The following SOX6 variants were observed in gnomAD, a reference collection of about 807,000 sequenced individuals.
SOX6 encodes the protein SRY-box transcription factor 6, also known as transcription factor SOX-6.
SOX6 carries 11 observed loss-of-function variants against 97.8 expected under a neutral mutation model. That is an observed-to-expected ratio of 0.11 (90% CI 0.07 to 0.19). SOX6 has a LOEUF of 0.19. SOX6 is among the 10% of genes least tolerant of loss of function. The pLI is 1.00. For missense variants in SOX6, 810 were observed against 1,039.5 expected, an observed-to-expected ratio of 0.78 and a Z score of 3.04; for synonymous variants, 360 against 371.4, an observed-to-expected ratio of 0.97 and a Z score of 0.35.
At chr11:16,261,049 TAA>T (rs1372446116) in intron 3 of SOX6, among the ~76,000 whole-genome samples, 1 of 152,208 alleles carries the variant, frequency 6.6e-6, no homozygotes, top group Non-Finnish European at 1.5e-5. Context: ...AGTTATAATT[TAA>T]AAGTCATTTC....
intron 4 of SOX6, among the ~76,000 whole-genome samples, chr11:16,224,568 G>C (rs913974601): frequency 1.3e-5 from 2 of 151,954 alleles, no homozygotes; most frequent in African/African-American, 4.8e-5. Flanking sequence ...ATATCACACA[G>C]ACTTCAAAAG....
At chr11:16,475,794 C>T (rs530365304) in intron 1 of SOX6, among the ~76,000 whole-genome samples, 1 of 152,024 alleles carries the variant, frequency 6.6e-6, no homozygotes, top group African/African-American at 2.4e-5. Context: ...CTCTAATTTG[C>T]TTAAAAAAAA....
intron 13 of SOX6, among the ~76,000 whole-genome samples, chr11:16,009,111 C>T (rs1347561419): frequency 3.9e-5 from 6 of 151,960 alleles, no homozygotes; most frequent in East Asian, 1.9e-4. Flanking sequence ...TATCTTTTTA[C>T]GTGTATAATT....
rs181579786 is a variant in SOX6 at position 16,527,178 on chromosome 11, A to T, written n.610-50790T>A. ...TCCTAGAGCACTGAAGAGGGAAAAA[A>T]AAATCAACCTAGGCAATTAGTCAAA... is the stretch of plus-strand genomic sequence containing the variant. On this transcript the variant is annotated intron_variant and non_coding_transcript_variant, in intron 4 of 5. Transcript: ENST00000524520. Among the ~76,000 whole-genome samples the T allele has an allele frequency of 3.9e-3, 594 of 152,034 alleles. 3 individuals carry two copies. Among genetic ancestry groups the T allele is most frequent in the African/African-American group, 0.014 (575 of 41,352 alleles).
intron 3 of SOX6, among the ~76,000 whole-genome samples, chr11:16,664,665 C>T (rs536352184): frequency 7.2e-5 from 11 of 152,154 alleles, no homozygotes; most frequent in South Asian, 4.2e-4. Context: ...GTACTGGACT[C>T]GGAGCCAGTG....
chr11:16,317,492 G>A (rs1855785985), intron 3 of SOX6: 2 of 152,344 alleles, frequency 1.3e-5, no homozygotes, highest in Middle Eastern at 3.4e-3. Flanking sequence ...TATGACCCTA[G>A]GTCATCAAAA....
At chr11:16,044,225 CAA>C (rs1855760137) in intron 12 of SOX6, among the ~76,000 whole-genome samples, 2 of 152,022 alleles carry the variant, frequency 1.3e-5, no homozygotes, top group South Asian at 4.1e-4. Flanking sequence ...CATTCCTCTG[CAA>C]AGAGTGTCCA....
At chr11:16,411,749 C>T (rs953559556) in intron 1 of SOX6, among the ~76,000 whole-genome samples, 1 of 152,102 alleles carries the variant, frequency 6.6e-6, no homozygotes, top group Non-Finnish European at 1.5e-5. Context: ...ATTTGCATAG[C>T]TATATTTGGA....
In SOX6 at chr11:16,012,274, G is replaced by C. The variant is rs542435339; in HGVS notation, c.1732+2668C>G. On this transcript the variant is annotated intron_variant, in intron 13 of 15. Coordinates refer to ENST00000683767, the MANE Select transcript of SOX6 (RefSeq NM_001367873.1). ...TTTAATATGAAGTGTAACTCCAGCA[G>C]ACTTTGCAATCAGCTCAGCCTTGAA... Among the ~76,000 whole-genome samples the C allele has an allele frequency of 3.9e-5, 6 of 152,168 alleles. No homozygotes were observed. In the South Asian group the frequency reaches 1.2e-3, roughly 32 times the overall value.
intron 3 of SOX6, among the ~76,000 whole-genome samples, chr11:16,694,458 G>C (rs74841082): frequency 6.6e-6 from 1 of 152,248 alleles, no homozygotes; most frequent in African/African-American, 2.4e-5. Context: ...AGGAGTTTGA[G>C]GCTACAGTGA....
At chr11:16,191,797 C>T (rs1302451205) in intron 4 of SOX6, among the ~76,000 whole-genome samples, 1 of 152,104 alleles carries the variant, frequency 6.6e-6, no homozygotes, top group African/African-American at 2.4e-5. Context: ...ACACTCTCTA[C>T]TATAAACTGT....
At chr11:16,529,193 A>C (rs1346636542) in intron 4 of SOX6, among the ~76,000 whole-genome samples, 1 of 152,098 alleles carries the variant, frequency 6.6e-6, no homozygotes, top group African/African-American at 2.4e-5. Context: ...TAAAACACTG[A>C]ATACATTATT....
chr11:16,093,871 G>A (rs897289777), intron 9 of SOX6, among the ~76,000 whole-genome samples: 3 of 151,884 alleles, frequency 2.0e-5, no homozygotes, highest in African/African-American at 7.3e-5. Context: ...TAGCACCTTA[G>A]ATATGGGTGT....
rs11023933 is a variant in SOX6 at position 16,401,513 on chromosome 11, T to A, written c.-4-60261A>T. ...TTTATAATGCTTTTCCAGTCTTCTT[T>A]TGATTTCAGTATTTATATTTAAACC... On this transcript the variant is annotated intron_variant, in intron 1 of 15. Transcript: ENST00000396356. Among the ~76,000 whole-genome samples the A allele has an allele frequency of 2.1e-3, 326 of 151,688 alleles. 4 individuals carry two copies. The East Asian group carries it at 0.046, about 21-fold the overall frequency.
chr11:16,289,858 A>G (rs1854858924), intron 3 of SOX6, among the ~76,000 whole-genome samples: 1 of 151,928 alleles, frequency 6.6e-6, no homozygotes, highest in Non-Finnish European at 1.5e-5. Flanking sequence ...GAATACCAAT[A>G]CTCATCTTCA....
intron 3 of SOX6, among the ~76,000 whole-genome samples, chr11:16,702,031 C>T (rs1004822171): frequency 6.6e-6 from 1 of 152,164 alleles, no homozygotes; most frequent in Non-Finnish European, 1.5e-5. Context: ...TTCAGAGAAG[C>T]ATGTGTATCA....
At chr11:16,224,944 C>T (rs1388220390) in intron 4 of SOX6, among the ~76,000 whole-genome samples, 1 of 151,994 alleles carries the variant, frequency 6.6e-6, no homozygotes, top group African/African-American at 2.4e-5. Context: ...ACACAAAGCA[C>T]CTCCAGCTCT....
intron 4 of SOX6, among the ~76,000 whole-genome samples, chr11:16,212,739 AT>A (rs577681313): frequency 6.6e-6 from 1 of 152,042 alleles, no homozygotes; most frequent in Non-Finnish European, 1.5e-5. Flanking sequence ...CTCACACTTA[AT>A]TTTTTTCCAA....
At chr11:16,715,637 T>G (rs1848214594) in intron 2 of SOX6, among the ~76,000 whole-genome samples, 1 of 151,940 alleles carries the variant, frequency 6.6e-6, no homozygotes, top group African/African-American at 2.4e-5. Flanking sequence ...TAGGAATAGA[T>G]AATAAACATT....
Sources: gnomAD v4.1 joint callset for allele counts (sites outside exome capture counted in the v4.1 genomes callset) on GRCh38, gnomAD v4.1.1 for gene constraint, MANE v1.5 for transcripts, NCBI Gene and HGNC (gene_info 2026-07-23, HGNC 2026-07-21) for gene names.